Variants in AGBL2 observed in about 807,000 individuals in gnomAD.
The protein encoded by AGBL2 is cytosolic carboxypeptidase 2.
A neutral mutation model predicts 103.0 loss-of-function variants in AGBL2; 87 were observed. That is an observed-to-expected ratio of 0.84 (90% CI 0.71 to 1.01). AGBL2 has a LOEUF of 1.01. Ranked by LOEUF, AGBL2 falls within the 50% of genes least tolerant of loss-of-function variation. AGBL2 has a pLI of 0.00. For missense variants in AGBL2, 904 were observed against 1,023.5 expected (o/e 0.88, Z 1.59); for synonymous variants, 335 against 356.7 (o/e 0.94, Z 0.69).
At chr11:47,686,681 C>A (rs2097424984) in intron 10 of AGBL2, among the ~76,000 whole-genome samples, 1 of 151,584 alleles carries the variant, frequency 6.6e-6, no homozygotes, top group African/African-American at 2.4e-5. Context: ...GTGACACTGG[C>A]CGGGCACGGT....
At chr11:47,707,024 TA>T (rs61459888) in intron 4 of AGBL2, among the ~76,000 whole-genome samples, 77,913 of 111,394 alleles carry the variant, frequency 0.7, 28,769 homozygotes, top group Non-Finnish European at 0.83. Flanking sequence ...CTGTCTCTAC[TA>T]AAAAAAAAAA....
At chr11:47,700,485 A>G (rs1486329108) in intron 7 of AGBL2, among the ~76,000 whole-genome samples, 1 of 152,062 alleles carries the variant, frequency 6.6e-6, no homozygotes, top group Non-Finnish European at 1.5e-5. Context: ...AGGCTGAGGT[A>G]GGAGAATCGC....
intron 14 of AGBL2, among the ~76,000 whole-genome samples, chr11:47,669,703 T>G (rs1251492828): frequency 2.0e-5 from 3 of 151,986 alleles, no homozygotes; most frequent in Non-Finnish European, 4.4e-5. Context: ...GAAAAATTTT[T>G]TTTTGAGACA....
chr11:47,667,097 T>G, intron 16 of AGBL2, 34 bp from the exon 17 acceptor site: 1 of 1,425,782 alleles, frequency 7.0e-7, no homozygotes, highest in Non-Finnish European at 9.6e-7. Context: ...CTTTTTCAAT[T>G]GATCTATTCA....
intron 13 of AGBL2, among the ~76,000 whole-genome samples, chr11:47,679,121 A>C (rs1330054601): frequency 2.7e-5 from 4 of 149,936 alleles, no homozygotes; most frequent in Non-Finnish European, 5.9e-5. Flanking sequence ...AAATAAAAGG[A>C]AAGATAATTA....
chr11:47,702,660 G>C (rs1399926812), intron 7 of AGBL2, among the ~76,000 whole-genome samples: 3 of 152,002 alleles, frequency 2.0e-5, no homozygotes, highest in Admixed American at 1.3e-4. Flanking sequence ...TGGATCATGA[G>C]GTCAGGAGTT....
intron 17 of AGBL2, chr11:47,666,600 A>T (rs2097341998): frequency 2.0e-6 from 1 of 501,666 alleles, no homozygotes; most frequent in Admixed American, 3.9e-5. Flanking sequence ...AGCATCCAGT[A>T]AAGGGACTGG....
intron 12 of AGBL2, among the ~76,000 whole-genome samples, chr11:47,681,423 A>T (rs925275260): frequency 7.2e-5 from 11 of 152,220 alleles, no homozygotes; most frequent in Admixed American, 2.0e-4. Flanking sequence ...TTGTTAATGC[A>T]GCTGAAATTC....
intron 8 of AGBL2, among the ~76,000 whole-genome samples, chr11:47,698,947 ATG>A (rs2153804822): frequency 6.9e-6 from 1 of 144,688 alleles, no homozygotes; most frequent in Non-Finnish European, 1.5e-5. Context: ...AAGAATGTGT[ATG>A]ACTTCAGTAG....
chr11:47,660,420 T>G, intron 18 of AGBL2, 74 bp from the exon 19 acceptor site: 1 of 1,447,704 alleles, frequency 6.9e-7, no homozygotes, highest in Non-Finnish European at 9.4e-7. Flanking sequence ...AGGGTTGGGG[T>G]TGGCTTTACA....
intron 11 of AGBL2, 82 bp downstream of exon 11, chr11:47,685,811 G>T: frequency 7.4e-7 from 1 of 1,355,858 alleles, no homozygotes; most frequent in Non-Finnish European, 1.0e-6. Flanking sequence ...GATACAAAAT[G>T]CCAAATAAAA....
At chr11:47,685,228 TA>T (rs1233793573) in intron 11 of AGBL2, among the ~76,000 whole-genome samples, 5 of 152,060 alleles carry the variant, frequency 3.3e-5, no homozygotes, top group African/African-American at 1.2e-4. Context: ...TAAAAAAGGA[TA>T]CCACATTTTA....
At chr11:47,673,244 T>C (rs1341485469) in intron 14 of AGBL2, among the ~76,000 whole-genome samples, 1 of 152,054 alleles carries the variant, frequency 6.6e-6, no homozygotes, top group African/African-American at 2.4e-5. Context: ...CCCAGCACCT[T>C]GGGAGGCCAA....
At chr11:47,673,132 CA>C (rs1427711321) in intron 14 of AGBL2, among the ~76,000 whole-genome samples, 2 of 152,144 alleles carry the variant, frequency 1.3e-5, no homozygotes, top group Non-Finnish European at 2.9e-5. Flanking sequence ...AGATACAGAG[CA>C]AACGAAAAGA....
chr11:47,694,616 C>T (rs904568351), intron 8 of AGBL2, among the ~76,000 whole-genome samples: 4 of 152,102 alleles, frequency 2.6e-5, no homozygotes, highest in African/African-American at 9.7e-5. Flanking sequence ...ATGCAGATGG[C>T]ACCTGGAAAA....
At chr11:47,714,195 A>T in intron 3 of AGBL2, 89 bp downstream of exon 3, 1 of 891,888 alleles carries the variant, frequency 1.1e-6, no homozygotes, top group Non-Finnish European at 1.8e-6. Context: ...ATTATTTATT[A>T]GTCTACCCAA....
chr11:47,710,456 G>GT lies in AGBL2; in HGVS notation c.152dup (p.Asn51LysfsTer15), dbSNP rs1372362527. ...GAGAGCCATTCAACAGGCATTGAGG[G>GT]TTATTCTTCCGAACATGCTGATGCG... On this transcript the variant is annotated frameshift_variant, in exon 4 of 19. Coordinates refer to ENST00000525123, the MANE Select transcript of AGBL2 (RefSeq NM_024783.4). LOFTEE classifies it high-confidence loss of function. 2 of 1,614,016 alleles carry GT rather than the reference G, an allele frequency of 1.2e-6. No individual in the cohort carries two copies. Among genetic ancestry groups the GT allele is most frequent in the African/African-American group, 2.7e-5 (2 of 74,920 alleles).
intron 8 of AGBL2, among the ~76,000 whole-genome samples, chr11:47,698,168 ATTTT>A (rs35161992): frequency 5.0e-5 from 4 of 79,836 alleles, no homozygotes; most frequent in African/African-American, 1.1e-4. Context: ...AGTCTACATA[ATTTT>A]TTTTTTTTTT....
At chr11:47,695,863 T>C (rs1241590972) in intron 8 of AGBL2, among the ~76,000 whole-genome samples, 1 of 151,408 alleles carries the variant, frequency 6.6e-6, no homozygotes, top group African/African-American at 2.4e-5. Flanking sequence ...TTTAAATGTT[T>C]AACAGAATTC....
Sources: allele counts gnomAD v4.1 joint callset (sites outside exome capture counted in the v4.1 genomes callset), GRCh38; gene constraint gnomAD v4.1.1; transcripts MANE v1.5; gene names NCBI Gene and HGNC (gene_info 2026-07-23, HGNC 2026-07-21).